ATP2B4: variants seen among roughly 807,000 people sequenced by gnomAD.
ATP2B4 encodes the protein ATPase plasma membrane Ca2+ transporting 4, also known as plasma membrane calcium-transporting ATPase 4.
A neutral mutation model predicts 110.3 loss-of-function variants in ATP2B4; 39 were observed. The observed-to-expected ratio is 0.35, with a 90% CI of 0.27 to 0.46. The LOEUF is 0.46. ATP2B4 is among the 20% of genes least tolerant of loss of function. ATP2B4 has a pLI of 1.00. For missense variants in ATP2B4, 1,135 were observed against 1,530.9 expected, an observed-to-expected ratio of 0.74 and a Z score of 4.32; for synonymous variants, 538 against 571.7, an observed-to-expected ratio of 0.94 and a Z score of 0.84.
At chr1:203,650,289 G>A (rs771167674) in intron 1 of ATP2B4, among the ~76,000 whole-genome samples, 2 of 152,300 alleles carry the variant, frequency 1.3e-5, no homozygotes, top group African/African-American at 4.8e-5. Flanking sequence ...TTGGTTTCAG[G>A]GAGGCCAGGT....
intron 19 of ATP2B4, among the ~76,000 whole-genome samples, chr1:203,725,489 T>G (rs1666482342): frequency 6.6e-6 from 1 of 152,216 alleles, no homozygotes; most frequent in African/African-American, 2.4e-5. Context: ...TTGGGCAAGT[T>G]ACATAACCAA....
chr1:203,702,999 C>A (rs1269320911), intron 7 of ATP2B4, among the ~76,000 whole-genome samples: 1 of 152,048 alleles, frequency 6.6e-6, no homozygotes, highest in Non-Finnish European at 1.5e-5. Context: ...TCCCTCACAC[C>A]AGCTTCTTCC....
At position 203,697,120 on chromosome 1, in the gene ATP2B4, G is replaced by A. The variant is rs78506460; in HGVS notation, c.194-1037G>A. ...TAGTATCTCTCAGTGGTGTGTGTTT[G>A]TGCCTCTGTGAGTGTGTGTACATGC... is the stretch of plus-strand genomic sequence containing the variant. On this transcript the variant is annotated intron_variant, in intron 2 of 20. Transcript: ENST00000357681. Among the ~76,000 whole-genome samples the A allele has an allele frequency of 2.9e-3, 443 of 152,290 alleles. 4 individuals carry two copies. The highest frequency in any genetic ancestry group is 0.01 in the African/African-American group (429 of 41,552).
At chr1:203,703,501 G>A in intron 7 of ATP2B4, 151 bp from the exon 8 acceptor site, 3 of 811,394 alleles carry the variant, frequency 3.7e-6, no homozygotes, top group Non-Finnish European at 6.0e-6. Context: ...CAAGTTCCAT[G>A]TCTAGCATGG....
chr1:203,699,132 C>T (rs904301508), intron 3 of ATP2B4, among the ~76,000 whole-genome samples: 2 of 152,136 alleles, frequency 1.3e-5, no homozygotes, highest in Non-Finnish European at 1.5e-5. Context: ...TGCCCCCTGC[C>T]ACCAATTGTC....
At chr1:203,655,114 A>T (rs1664118606) in intron 1 of ATP2B4, among the ~76,000 whole-genome samples, 1 of 152,200 alleles carries the variant, frequency 6.6e-6, no homozygotes, top group Non-Finnish European at 1.5e-5. Flanking sequence ...CCATCTCATG[A>T]TAAAACTTGA....
At chr1:203,683,836 G>T (rs1665095561) in intron 2 of ATP2B4, among the ~76,000 whole-genome samples, 1 of 151,734 alleles carries the variant, frequency 6.6e-6, no homozygotes, top group Non-Finnish European at 1.5e-5. Context: ...ATCACACCCA[G>T]CTAGCTTTTT....
At chr1:203,721,526 A>T in intron 17 of ATP2B4, 116 bp downstream of exon 17, 1 of 1,037,934 alleles carries the variant, frequency 9.6e-7, no homozygotes, top group Non-Finnish European at 1.4e-6. Context: ...TTCACCTCCC[A>T]GTGCTTGCTG....
chr1:203,701,073 G>T, intron 6 of ATP2B4, 150 bp downstream of exon 6: 1 of 1,150,826 alleles, frequency 8.7e-7, no homozygotes. Flanking sequence ...AGATAAAGAT[G>T]TAAATCCTTG....
At chr1:203,710,584 A>G (rs892739792) in intron 11 of ATP2B4, among the ~76,000 whole-genome samples, 6 of 152,346 alleles carry the variant, frequency 3.9e-5, no homozygotes, top group Non-Finnish European at 7.4e-5. Flanking sequence ...TCTGCCTTCA[A>G]GAAGTTCAAA....
intron 2 of ATP2B4, among the ~76,000 whole-genome samples, chr1:203,684,331 G>A (rs1665111399): frequency 1.3e-5 from 2 of 151,244 alleles, no homozygotes. Context: ...CAGCCTGGGT[G>A]ACATAATAAC....
chr1:203,706,206 C>T (rs749946114), intron 8 of ATP2B4, among the ~76,000 whole-genome samples: 3 of 152,120 alleles, frequency 2.0e-5, no homozygotes, highest in African/African-American at 2.4e-5. Context: ...AACCAACCAT[C>T]CCAGTTTGCT....
rs199801592 is a variant in ATP2B4 at position 203,712,089 on chromosome 1, T to C, written c.2161T>C (p.Cys721Arg). The change falls in exon 13 of 21, where the codon TGC (cysteine) becomes CGC (arginine). Residue 721 changes from cysteine (C) to arginine (R), a missense_variant. Physicochemically the swap from Cys to Arg is radical, Grantham distance 180. This residue lies in a region of ATP2B4 where 368 missense variants were observed against 455.9 expected (regional missense o/e 0.81). Coordinates refer to ENST00000357681, the MANE Select transcript of ATP2B4 (RefSeq NM_001684.5). The part of the protein sequence containing the change: ...GILTPGDDFL[C>R]LEGKEFNRLI... Reference sequence around the variant, plus strand: ...TCTGACACCTGGGGATGACTTCCTGTGCTTAGAAGGCAAAGAATTCAACCG... The same window carrying C: ...TCTGACACCTGGGGATGACTTCCTGCGCTTAGAAGGCAAAGAATTCAACCG... The C allele has an allele frequency of 1.2e-6, 2 of 1,614,130 alleles. No individual in the cohort carries two copies. The highest frequency in any genetic ancestry group is 1.3e-5 in the African/African-American group (1 of 75,046).
At chr1:203,729,588 C>A in intron 20 of ATP2B4, 1 of 528,642 alleles carries the variant, frequency 1.9e-6, no homozygotes, top group Non-Finnish European at 3.6e-6. Flanking sequence ...ATTGCAGACT[C>A]ACTATGCACC....
intron 20 of ATP2B4, among the ~76,000 whole-genome samples, chr1:203,728,766 A>T (rs1020381058): frequency 1.3e-5 from 2 of 152,112 alleles, no homozygotes; most frequent in African/African-American, 4.8e-5. Flanking sequence ...CTGAGGCAGA[A>T]GAATTACTTG....
intron 1 of ATP2B4, among the ~76,000 whole-genome samples, chr1:203,665,671 G>A (rs1436954612): frequency 3.3e-5 from 5 of 152,018 alleles, no homozygotes; most frequent in African/African-American, 9.7e-5. Flanking sequence ...ACAGTGGTGC[G>A]TGCCTGTAGT....
At chr1:203,657,946 C>T (rs750539028) in intron 1 of ATP2B4, among the ~76,000 whole-genome samples, 4 of 151,912 alleles carry the variant, frequency 2.6e-5, no homozygotes, top group East Asian at 2.0e-4. Flanking sequence ...GCAAGTGATC[C>T]GCCCCCCTCA....
rs779048789 is a variant in ATP2B4 at position 203,686,685 on chromosome 1, C to CTTTTTTTTTTTTTTTTTTTTTT, written c.193+3292_193+3313dup. On this transcript the variant is annotated intron_variant, in intron 2 of 20. Coordinates refer to ENST00000357681, the MANE Select transcript of ATP2B4 (RefSeq NM_001684.5). ...CCTGGTGTTTTTCTTTCTTTTCTTT[C>CTTTTTTTTTTTTTTTTTTTTTT]TTTTTTTTTTTTTTTTTTTTTTTTT... Among the ~76,000 whole-genome samples the CTTTTTTTTTTTTTTTTTTTTTT allele has an allele frequency of 5.8e-4, 25 of 42,780 alleles. 2 individuals are homozygous for CTTTTTTTTTTTTTTTTTTTTTT. The East Asian group carries it at 6.5e-3, about 11-fold the overall frequency. 28.1% of individuals were successfully genotyped at this position (42,780 alleles called of 152,430 possible).
intron 7 of ATP2B4, among the ~76,000 whole-genome samples, chr1:203,703,208 T>C (rs1665747745): frequency 1.3e-5 from 2 of 150,380 alleles, no homozygotes; most frequent in South Asian, 4.2e-4. Flanking sequence ...ATAAACCATT[T>C]AACAGAGCAA....
Sources: gnomAD v4.1 joint callset for allele counts (sites outside exome capture counted in the v4.1 genomes callset) on GRCh38, gnomAD v4.1.1 for gene constraint, gnomAD v4.1.1 regional missense constraint, MANE v1.5 for transcripts, NCBI Gene and HGNC (gene_info 2026-07-23, HGNC 2026-07-21) for gene names.